The following SNTG1 variants were observed in gnomAD, a reference collection of about 807,000 sequenced individuals.
SNTG1 encodes syntrophin gamma 1, also known as gamma-1-syntrophin.
A neutral mutation model predicts 74.7 loss-of-function variants in SNTG1; 39 were observed. That is an observed-to-expected ratio of 0.52 (90% CI 0.40 to 0.68). The LOEUF (loss-of-function observed/expected upper bound fraction) is 0.68, where lower values mean the gene tolerates loss of function less well. SNTG1 is among the 30% of genes least tolerant of loss of function. SNTG1 has a pLI of 0.00. For missense variants in SNTG1, 685 were observed against 609.5 expected (o/e 1.12, Z -1.30); for synonymous variants, 254 against 217.1 (o/e 1.17, Z -1.49).
chr8:50,018,354 C>G (rs1816522865), intron 1 of SNTG1, among the ~76,000 whole-genome samples: 1 of 151,990 alleles, frequency 6.6e-6, no homozygotes, highest in African/African-American at 2.4e-5. Flanking sequence ...CATTTACACT[C>G]AACTAATTTA....
At chr8:50,047,316 G>A (rs567002542) in intron 1 of SNTG1, among the ~76,000 whole-genome samples, 7 of 151,892 alleles carry the variant, frequency 4.6e-5, no homozygotes, top group African/African-American at 1.7e-4. Context: ...TCTAGCCTTG[G>A]TGACACAGAG....
intron 17 of SNTG1, among the ~76,000 whole-genome samples, chr8:50,740,051 C>T (rs2095539235): frequency 6.6e-6 from 1 of 152,118 alleles, no homozygotes; most frequent in East Asian, 1.9e-4. Flanking sequence ...CCATTCTAGA[C>T]ATAGGACTGG....
intron 15 of SNTG1, among the ~76,000 whole-genome samples, chr8:50,691,981 C>G (rs1225649778): frequency 6.6e-6 from 1 of 152,152 alleles, no homozygotes; most frequent in Non-Finnish European, 1.5e-5. Context: ...CTTCTCTTCT[C>G]ACTTCATTTC....
intron 13 of SNTG1, among the ~76,000 whole-genome samples, chr8:50,643,576 A>C (rs1260957223): frequency 1.3e-5 from 2 of 151,758 alleles, no homozygotes; most frequent in African/African-American, 2.4e-5. Flanking sequence ...TTCTGAGTGT[A>C]ACAGAGAACT....
At chr8:50,102,076 T>G (rs1441611279) in intron 1 of SNTG1, among the ~76,000 whole-genome samples, 7 of 152,034 alleles carry the variant, frequency 4.6e-5, no homozygotes, top group Non-Finnish European at 8.8e-5. Context: ...ATATAACCAG[T>G]AATGGAATGG....
At chr8:50,592,328 G>T (rs1330039490) in intron 13 of SNTG1, among the ~76,000 whole-genome samples, 1 of 152,072 alleles carries the variant, frequency 6.6e-6, no homozygotes, top group Non-Finnish European at 1.5e-5. Context: ...TTTAATTTAA[G>T]AATGACTCTA....
intron 2 of SNTG1, among the ~76,000 whole-genome samples, chr8:50,357,532 G>T (rs955970398): frequency 1.3e-5 from 2 of 152,116 alleles, no homozygotes; most frequent in African/African-American, 4.8e-5. Flanking sequence ...TACTCTTCCT[G>T]TTACCAAGAT....
chr8:49,978,856 C>G (rs888010900), intron 1 of SNTG1, among the ~76,000 whole-genome samples: 18 of 152,132 alleles, frequency 1.2e-4, no homozygotes, highest in Non-Finnish European at 2.9e-5. Flanking sequence ...TCCGAAATAT[C>G]CTCCAATTAT....
chr8:49,953,723 G>T (rs1809924249), intron 1 of SNTG1, among the ~76,000 whole-genome samples: 1 of 152,120 alleles, frequency 6.6e-6, no homozygotes. Flanking sequence ...CCCTATTCAG[G>T]CATTGGTATT....
At chr8:50,113,987 A>G (rs1169613779) in intron 1 of SNTG1, among the ~76,000 whole-genome samples, 1 of 152,032 alleles carries the variant, frequency 6.6e-6, no homozygotes. Flanking sequence ...ATAAATTATC[A>G]TAGAAAAAAT....
chr8:50,451,400 A>G (rs2093456031), intron 8 of SNTG1, among the ~76,000 whole-genome samples: 1 of 152,074 alleles, frequency 6.6e-6, no homozygotes, highest in African/African-American at 2.4e-5. Context: ...CCCCACAGAC[A>G]GATTACCTAG....
At chr8:50,668,143 C>T (rs887777992) in intron 15 of SNTG1, among the ~76,000 whole-genome samples, 6 of 151,884 alleles carry the variant, frequency 4.0e-5, no homozygotes, top group Admixed American at 6.6e-5. Flanking sequence ...ATATAATAAT[C>T]GTCATTGATT....
At chr8:50,339,072 G>A (rs2091239641) in intron 2 of SNTG1, among the ~76,000 whole-genome samples, 1 of 151,940 alleles carries the variant, frequency 6.6e-6, no homozygotes, top group Admixed American at 6.6e-5. Context: ...TACTTAGAGA[G>A]GTATAAGTAT....
At chr8:50,730,140 A>G (rs987609410) in intron 17 of SNTG1, among the ~76,000 whole-genome samples, 1 of 152,204 alleles carries the variant, frequency 6.6e-6, no homozygotes, top group Non-Finnish European at 1.5e-5. Flanking sequence ...TTTGGAAATG[A>G]TAAGGTTTAA....
At chr8:50,264,405 T>TA (rs1321430848) in intron 2 of SNTG1, among the ~76,000 whole-genome samples, 6 of 151,564 alleles carry the variant, frequency 4.0e-5, no homozygotes, top group Non-Finnish European at 7.4e-5. Flanking sequence ...CCGTCTCTAA[T>TA]AAAAATACAA....
Position 50,389,845 on chromosome 8 carries a change from C to A in SNTG1, c.-27-4367C>A, listed in dbSNP as rs183529466. On this transcript the variant is annotated intron_variant, in intron 2 of 18. Transcript: ENST00000642720. ...TTCTCTGATGGCCAGTGATGATGAG[C>A]ATTTTTTCATGTGCCTTTTGGCTGC... is the stretch of plus-strand genomic sequence containing the variant. Among the ~76,000 whole-genome samples, 9 of 152,334 alleles carry A rather than the reference C, an allele frequency of 5.9e-5. No individual in the cohort carries two copies. In the East Asian group the frequency reaches 1.2e-3, roughly 20 times the overall value.
At chr8:49,961,228 T>C (rs1585672307) in intron 1 of SNTG1, among the ~76,000 whole-genome samples, 1 of 152,338 alleles carries the variant, frequency 6.6e-6, no homozygotes, top group South Asian at 2.1e-4. Context: ...TTCTATTCAT[T>C]GTTGTTTGCC....
At chr8:50,754,179 G>C (rs993969942) in intron 18 of SNTG1, among the ~76,000 whole-genome samples, 1 of 151,434 alleles carries the variant, frequency 6.6e-6, no homozygotes, top group Non-Finnish European at 1.5e-5. Flanking sequence ...GTGGACATAA[G>C]CTTTTATTTA....
chr8:50,673,478 G>A (rs915595091), intron 15 of SNTG1, among the ~76,000 whole-genome samples: 1 of 152,018 alleles, frequency 6.6e-6, no homozygotes, highest in Non-Finnish European at 1.5e-5. Context: ...CTCTCTGCTT[G>A]TCTATTGTTG....
Sources: allele counts gnomAD v4.1 joint callset (sites outside exome capture counted in the v4.1 genomes callset), GRCh38; gene constraint gnomAD v4.1.1; transcripts MANE v1.5; gene names NCBI Gene and HGNC (gene_info 2026-07-23, HGNC 2026-07-21).